SPINK6: variants seen among roughly 807,000 people sequenced by gnomAD.
SPINK6 encodes serine protease inhibitor Kazal-type 6.
Under a neutral mutation model 11.7 loss-of-function variants are expected in SPINK6, and 13 were observed. The observed-to-expected ratio is 1.11, with a 90% CI of 0.72 to 1.76. SPINK6 has a LOEUF of 1.76. Ranked by LOEUF, SPINK6 falls within the 40% of genes most tolerant of loss-of-function variation. SPINK6 has a pLI of 0.00. For synonymous variants in SPINK6, 21 were observed against 31.9 expected (o/e 0.66, Z 1.15); for missense variants, 98 against 93.7 (o/e 1.05, Z -0.19).
At chr5:148,213,151 C>A (rs1422107937) in intron 2 of SPINK6, among the ~76,000 whole-genome samples, 2 of 151,806 alleles carry the variant, frequency 1.3e-5, no homozygotes, top group African/African-American at 4.8e-5. Flanking sequence ...GGAAAAGTAA[C>A]AAGCATCAGG....
intron 2 of SPINK6, among the ~76,000 whole-genome samples, chr5:148,207,722 G>A (rs1214931990): frequency 6.6e-6 from 1 of 152,076 alleles, no homozygotes; most frequent in Non-Finnish European, 1.5e-5. Flanking sequence ...CCAGCTACTT[G>A]GGAGGCTGAG....
At chr5:148,208,267 C>G (rs889809304) in intron 2 of SPINK6, among the ~76,000 whole-genome samples, 5 of 152,330 alleles carry the variant, frequency 3.3e-5, no homozygotes, top group African/African-American at 1.2e-4. Flanking sequence ...AGGCTGCTGT[C>G]TCTTCTCCAC....
chr5:148,212,638 T>C (rs1755623415), intron 2 of SPINK6, among the ~76,000 whole-genome samples: 1 of 106,660 alleles, frequency 9.4e-6, no homozygotes, highest in Non-Finnish European at 1.7e-5. Context: ...ATATATTATA[T>C]ATAATATAAA....
At position 148,203,121 on chromosome 5, in the gene SPINK6, C is replaced by T. The variant is rs368875975; in HGVS notation, c.25C>T (p.Leu9Phe). ...AATGAAACTGTCAGGCATGTTTCTGCTCCTCTCTCTGGCTCTTTTCTGCTT... is the reference window on the plus strand; with the variant it reads ...AATGAAACTGTCAGGCATGTTTCTGTTCCTCTCTCTGGCTCTTTTCTGCTT... MKLSGMFLLLSLALFCFLT... is the reference protein window; with the variant it reads MKLSGMFLFLSLALFCFLT... The change falls in exon 1 of 4, where the codon CTC becomes TTC. Residue 9 changes from leucine (L) to phenylalanine (F), a missense_variant. Transcript: ENST00000325630. The T allele has an allele frequency of 1.3e-5, 21 of 1,612,130 alleles. No homozygotes were observed. The highest frequency in any genetic ancestry group is 1.8e-5 in the Non-Finnish European group (21 of 1,179,542).
At chr5:148,208,712 T>C (rs879222655) in intron 2 of SPINK6, among the ~76,000 whole-genome samples, 1 of 152,306 alleles carries the variant, frequency 6.6e-6, no homozygotes, top group Admixed American at 6.5e-5. Flanking sequence ...AATGGCACAA[T>C]AATAACAATA....
At position 148,213,688 on chromosome 5, in the gene SPINK6, G is replaced by A. The variant is rs538749498; in HGVS notation, c.82-222G>A. Among the ~76,000 whole-genome samples, 5 of 152,204 alleles carry A rather than the reference G, an allele frequency of 3.3e-5. No homozygotes were observed. The East Asian group carries it at 9.7e-4, about 29-fold the overall frequency. The stretch of plus-strand genomic sequence containing the variant: ...ATACAATCTGTATTCCTTGTAATGA[G>A]TTTCCTGTGACTCAAAGAAAATGTC... On this transcript the variant is annotated intron_variant, in intron 2 of 3. Coordinates refer to ENST00000325630, the MANE Select transcript of SPINK6 (RefSeq NM_205841.4).
upstream of SPINK6, chr5:148,203,011 T>C: frequency 9.2e-7 from 1 of 1,087,010 alleles, no homozygotes; most frequent in Non-Finnish European, 1.4e-6. Context: ...GTGGTCTGAA[T>C]GTATTTTAGG....
chr5:148,207,879 A>G (rs1384894814), intron 2 of SPINK6, among the ~76,000 whole-genome samples: 1 of 152,178 alleles, frequency 6.6e-6, no homozygotes, highest in Non-Finnish European at 1.5e-5. Context: ...TGCTTGCTTC[A>G]TGATTACCTG....
In SPINK6 at chr5:148,205,658, G is replaced by A. The variant is rs529470193; in HGVS notation, c.59-378G>A. 1.4e-4 allele frequency among the ~76,000 whole-genome samples: 21 copies of A among 152,286 alleles called. No individual in the cohort carries two copies. In the South Asian group the frequency reaches 3.9e-3, roughly 29 times the overall value. On this transcript the variant is annotated intron_variant, in intron 1 of 3. Coordinates refer to ENST00000325630, the MANE Select transcript of SPINK6 (RefSeq NM_205841.4). Reference sequence around the variant, plus strand: ...ATGAAATGAACCTTGAAATGTCAAAGGTAGAGGATACTTTCCAATTCAACT... The same window carrying A: ...ATGAAATGAACCTTGAAATGTCAAAAGTAGAGGATACTTTCCAATTCAACT...
intron 2 of SPINK6, among the ~76,000 whole-genome samples, chr5:148,213,196 T>C (rs1009009223): frequency 6.6e-6 from 1 of 151,490 alleles, no homozygotes; most frequent in Non-Finnish European, 1.5e-5. Context: ...TTCATCCATG[T>C]TTTTTGTTTG....
At chr5:148,210,003 T>C (rs1173034138) in intron 2 of SPINK6, among the ~76,000 whole-genome samples, 1 of 142,112 alleles carries the variant, frequency 7.0e-6, no homozygotes, top group African/African-American at 2.5e-5. Context: ...TACACGTATG[T>C]ATACATGTAT....
intron 3 of SPINK6, among the ~76,000 whole-genome samples, 163 bp downstream of exon 3, chr5:148,214,188 CA>C (rs962223096): frequency 6.6e-6 from 1 of 152,130 alleles, no homozygotes; most frequent in African/African-American, 2.4e-5. Flanking sequence ...TCAAAAGCAA[CA>C]AAAACATTAC....
rs748018711 is a variant in SPINK6, at chr5:148,214,025, TGTAA to T, written c.197+4_197+7del. ...AAATGTGCCTTCTGTAAGGCCATAG[TGTAA>T]GTATTATATTCATCAAAGCTGACCC... On this transcript the variant is annotated splice_donor_variant and splice_donor_region_variant and intron_variant, in intron 3 of 3. Coordinates refer to ENST00000325630, the MANE Select transcript of SPINK6 (RefSeq NM_205841.4). LOFTEE classifies it high-confidence loss of function. The T allele has an allele frequency of 1.3e-6, 2 of 1,572,514 alleles. No individual in the cohort carries two copies. Among genetic ancestry groups the T allele is most frequent in the East Asian group, 2.2e-5 (1 of 44,690 alleles).
chr5:148,213,422 A>G (rs1468299484), intron 2 of SPINK6, among the ~76,000 whole-genome samples: 2 of 56,120 alleles, frequency 3.6e-5, no homozygotes, highest in South Asian at 7.1e-4. Context: ...GATGGTCTCC[A>G]TCTCCTGACC....
At chr5:148,209,478 T>C (rs1327474243) in intron 2 of SPINK6, among the ~76,000 whole-genome samples, 3 of 152,194 alleles carry the variant, frequency 2.0e-5, no homozygotes, top group East Asian at 3.9e-4. Flanking sequence ...ATGATAAGTA[T>C]ATTAGTTTCA....
chr5:148,213,089 A>G (rs1335989993), intron 2 of SPINK6, among the ~76,000 whole-genome samples: 1 of 151,566 alleles, frequency 6.6e-6, no homozygotes, highest in Non-Finnish European at 1.5e-5. Flanking sequence ...ATATACATAA[A>G]CACATTAGAA....
chr5:148,214,576 GA>G (rs1177732776), intron 3 of SPINK6, among the ~76,000 whole-genome samples: 3 of 152,082 alleles, frequency 2.0e-5, no homozygotes, highest in Admixed American at 1.3e-4. Flanking sequence ...TCTTCTGTCA[GA>G]AAAAAACTAT....
chr5:148,213,555 TA>T (rs1050671230), intron 2 of SPINK6, among the ~76,000 whole-genome samples: 2 of 152,048 alleles, frequency 1.3e-5, no homozygotes, highest in Non-Finnish European at 2.9e-5. Flanking sequence ...ATATGATGTT[TA>T]AAAAGTCGTT....
chr5:148,214,041 A>T lies in SPINK6; in HGVS notation c.197+16A>T. Reference sequence around the variant, plus strand: ...AGGCCATAGTGTAAGTATTATATTCATCAAAGCTGACCCTTGCAAACACAA... The same window carrying T: ...AGGCCATAGTGTAAGTATTATATTCTTCAAAGCTGACCCTTGCAAACACAA... On this transcript the variant is annotated intron_variant, in intron 3 of 3. Transcript: ENST00000325630. 6.7e-7 allele frequency: 1 copy of T among 1,486,908 alleles called. No individual in the cohort carries two copies. The highest frequency in any genetic ancestry group is 9.4e-7 in the Non-Finnish European group (1 of 1,065,926). The allele number at this position is 1,486,908 out of a possible 1,614,324, so 92.1% of individuals were successfully genotyped here. A position where few individuals can be genotyped will look rare whatever the true frequency, so the allele number is the denominator to read the frequency against.
Sources: allele counts gnomAD v4.1 joint callset (sites outside exome capture counted in the v4.1 genomes callset), GRCh38; gene constraint gnomAD v4.1.1; transcripts MANE v1.5; gene names NCBI Gene and HGNC (gene_info 2026-07-23, HGNC 2026-07-21).